Variants in ADAMTS12 observed in about 807,000 individuals in gnomAD.
ADAMTS12 encodes the protein ADAM metallopeptidase with thrombospondin type 1 motif 12, also known as A disintegrin and metalloproteinase with thrombospondin motifs 12.
Under a neutral mutation model 167.8 loss-of-function variants are expected in ADAMTS12, and 118 were observed. The ratio of observed to expected loss-of-function variants is 0.70; its 90% confidence interval spans 0.61 to 0.82. The LOEUF is 0.82. ADAMTS12 is among the 40% of genes least tolerant of loss of function. The pLI is 0.00. For synonymous variants in ADAMTS12, 704 were observed against 716.9 expected (o/e 0.98, Z 0.29); for missense variants, 1,916 against 1,998.8 (o/e 0.96, Z 0.79).
At chr5:33,560,599 T>G (rs1048728054) in intron 20 of ADAMTS12, among the ~76,000 whole-genome samples, 12 of 151,924 alleles carry the variant, frequency 7.9e-5, no homozygotes, top group African/African-American at 2.9e-4. Context: ...CCATAAAAAA[T>G]GATAAGTGCA....
At chr5:33,798,764 A>G (rs1481850558) in intron 2 of ADAMTS12, among the ~76,000 whole-genome samples, 1 of 152,100 alleles carries the variant, frequency 6.6e-6, no homozygotes, top group Non-Finnish European at 1.5e-5. Context: ...TTGTGGTTCT[A>G]TTGGATTAAG....
At position 33,692,663 on chromosome 5, in the gene ADAMTS12, C is replaced by T. The variant is rs142338435; in HGVS notation, c.635-8608G>A. On this transcript the variant is annotated intron_variant, in intron 3 of 23. Transcript: ENST00000504830. ...GGAGGCACTATCTCTTCTCAGAGTC[C>T]GTAATCCTAGGTGTGGGTTGCTTTC... Among the ~76,000 whole-genome samples, 46 of 152,170 alleles carry T rather than the reference C, an allele frequency of 3.0e-4. No individual in the cohort carries two copies. The East Asian group carries it at 5.8e-3, about 19-fold the overall frequency.
intron 2 of ADAMTS12, among the ~76,000 whole-genome samples, chr5:33,830,043 C>T (rs1287459457): frequency 1.3e-5 from 2 of 152,130 alleles, no homozygotes; most frequent in Non-Finnish European, 2.9e-5. Context: ...GAAGACAGGT[C>T]AGTGGCTTTG....
At chr5:33,856,077 A>C (rs181571808) in intron 2 of ADAMTS12, among the ~76,000 whole-genome samples, 63 of 152,326 alleles carry the variant, frequency 4.1e-4, no homozygotes, top group African/African-American at 1.5e-3. Context: ...ATTCCAGCAC[A>C]AACAGTTCTT....
intron 2 of ADAMTS12, among the ~76,000 whole-genome samples, chr5:33,844,679 C>G (rs1202545079): frequency 6.6e-6 from 1 of 152,190 alleles, no homozygotes; most frequent in Middle Eastern, 3.2e-3. Context: ...GCCCTGCCTC[C>G]ATTTGCCTTG....
chr5:33,807,586 T>C (rs1325216677), intron 2 of ADAMTS12, among the ~76,000 whole-genome samples: 4 of 152,244 alleles, frequency 2.6e-5, no homozygotes, highest in Non-Finnish European at 5.9e-5. Flanking sequence ...GGTGTTGACT[T>C]AATTATTGTT....
chr5:33,815,462 A>G (rs1747614720), intron 2 of ADAMTS12, among the ~76,000 whole-genome samples: 1 of 152,242 alleles, frequency 6.6e-6, no homozygotes, highest in African/African-American at 2.4e-5. Flanking sequence ...CCTGCAAGCC[A>G]GAAAGAGGGC....
At chr5:33,808,664 G>T (rs530395170) in intron 2 of ADAMTS12, among the ~76,000 whole-genome samples, 165 of 152,154 alleles carry the variant, frequency 1.1e-3, no homozygotes, top group Non-Finnish European at 2.0e-3. Flanking sequence ...GTATAAGCAT[G>T]TCTATTTACA....
chr5:33,527,032 G>T lies in ADAMTS12; in HGVS notation c.*156C>A. ...CCTAGGCCTCCTGTGAGGGACATTC[G>T]GTGGCTAGAGGAACACAATGGATTT... On this transcript the variant is annotated 3_prime_UTR_variant, in exon 24 of 24. Coordinates refer to ENST00000504830, the MANE Select transcript of ADAMTS12 (RefSeq NM_030955.4). 1.0e-6 allele frequency: 1 copy of T among 965,732 alleles called. No individual in the cohort carries two copies. The highest frequency in any genetic ancestry group is 1.5e-6 in the Non-Finnish European group (1 of 652,736). The allele number at this position is 965,732 out of a possible 1,614,324, so 59.8% of individuals were successfully genotyped here.
chr5:33,708,451 T>C (rs1419110930), intron 3 of ADAMTS12, among the ~76,000 whole-genome samples: 1 of 152,188 alleles, frequency 6.6e-6, no homozygotes, highest in East Asian at 1.9e-4. Flanking sequence ...ACTGGGTATA[T>C]ACCCAAAGGA....
chr5:33,661,729 T>C (rs1235616038), intron 6 of ADAMTS12, among the ~76,000 whole-genome samples, 187 bp downstream of exon 6: 1 of 152,216 alleles, frequency 6.6e-6, no homozygotes, highest in Non-Finnish European at 1.5e-5. Context: ...TTTGTCGTAT[T>C]AGCAAGTTTG....
intron 16 of ADAMTS12, among the ~76,000 whole-genome samples, chr5:33,610,862 T>C (rs1420836283): frequency 6.6e-6 from 1 of 151,934 alleles, no homozygotes; most frequent in Non-Finnish European, 1.5e-5. Flanking sequence ...AGGTTGGGAG[T>C]TTGAGACCAG....
intron 2 of ADAMTS12, among the ~76,000 whole-genome samples, chr5:33,764,432 C>A (rs1745461199): frequency 6.6e-6 from 1 of 152,210 alleles, no homozygotes. Flanking sequence ...AACCATTTGA[C>A]ATTTCCCATT....
At chr5:33,770,374 C>T (rs949719226) in intron 2 of ADAMTS12, among the ~76,000 whole-genome samples, 3 of 152,084 alleles carry the variant, frequency 2.0e-5, no homozygotes, top group Admixed American at 6.6e-5. Context: ...TAATTTGTAA[C>T]TTGCACACTG....
chr5:33,628,217 AAG>A (rs2112137150), intron 13 of ADAMTS12, among the ~76,000 whole-genome samples: 1 of 152,262 alleles, frequency 6.6e-6, no homozygotes, highest in South Asian at 2.1e-4. Context: ...TACCAGGAGA[AAG>A]AGGGGAGAGA....
intron 2 of ADAMTS12, among the ~76,000 whole-genome samples, chr5:33,879,612 T>G (rs938140793): frequency 2.0e-5 from 3 of 152,198 alleles, no homozygotes; most frequent in Non-Finnish European, 4.4e-5. Context: ...TTCACCATTC[T>G]TGATTTTCTG....
In ADAMTS12 at chr5:33,615,953, C is replaced by T. The variant is rs1173420357; in HGVS notation, c.2263G>A (p.Gly755Arg). 1 of 1,614,130 alleles carries T rather than the reference C, an allele frequency of 6.2e-7. No homozygotes were observed. The highest frequency in any genetic ancestry group is 8.5e-7 in the Non-Finnish European group (1 of 1,180,010). ...SEDPEKYYLNGGFIIQWNGNY... is the reference protein window; with the variant it reads ...SEDPEKYYLNRGFIIQWNGNY... The stretch of plus-strand genomic sequence containing the variant: ...CCGTTCCACTGGATAATAAACCCTC[C>T]ATTCAGGTAATATTTTTCAGGATCT... Residue 755 changes from glycine (G) to arginine (R), a missense_variant, in exon 15 of 24, where the codon GGA becomes AGA. Coordinates refer to ENST00000504830, the MANE Select transcript of ADAMTS12 (RefSeq NM_030955.4).
chr5:33,569,733 A>G (rs1746212478), intron 19 of ADAMTS12, among the ~76,000 whole-genome samples: 1 of 152,266 alleles, frequency 6.6e-6, no homozygotes, highest in African/African-American at 2.4e-5. Flanking sequence ...GCAATGGAAC[A>G]AAGCTGGATG....
At chr5:33,563,279 G>A (rs903382108) in intron 19 of ADAMTS12, among the ~76,000 whole-genome samples, 2 of 152,156 alleles carry the variant, frequency 1.3e-5, no homozygotes, top group African/African-American at 4.8e-5. Flanking sequence ...TTTGCAAGGG[G>A]ACTTTGCAGC....
Sources: gnomAD v4.1 joint callset for allele counts (sites outside exome capture counted in the v4.1 genomes callset) on GRCh38, gnomAD v4.1.1 for gene constraint, MANE v1.5 for transcripts, NCBI Gene and HGNC (gene_info 2026-07-23, HGNC 2026-07-21) for gene names.